The following FRAS1 variants were observed in gnomAD, a reference collection of about 807,000 sequenced individuals.
The protein encoded by FRAS1 is extracellular matrix organizing protein FRAS1.
Under a neutral mutation model 435.2 loss-of-function variants are expected in FRAS1, and 290 were observed. The observed-to-expected ratio is 0.67, with a 90% CI of 0.61 to 0.73. The LOEUF (loss-of-function observed/expected upper bound fraction) is 0.73. Ranked by LOEUF, FRAS1 falls within the 30% of genes least tolerant of loss-of-function variation. The pLI is 0.00. For synonymous variants in FRAS1, 1,800 were observed against 1,851.0 expected (o/e 0.97, Z 0.71); for missense variants, 4,860 against 5,001.5 (o/e 0.97, Z 0.85).
At chr4:78,086,451 C>T (rs1741173755) in intron 2 of FRAS1, among the ~76,000 whole-genome samples, 1 of 152,026 alleles carries the variant, frequency 6.6e-6, no homozygotes, top group Non-Finnish European at 1.5e-5. Flanking sequence ...GAGATAGAGA[C>T]ACAAAAAACC....
chr4:78,477,767 G>A (rs766956081), intron 54 of FRAS1, 48 bp from the exon 55 acceptor site: 65 of 1,580,696 alleles, frequency 4.1e-5, no homozygotes, highest in Admixed American at 6.8e-5. Context: ...AAGCAGAGCA[G>A]GGGAAGCTGA....
intron 9 of FRAS1, among the ~76,000 whole-genome samples, chr4:78,273,655 G>A (rs972545771): frequency 3.9e-5 from 6 of 152,172 alleles, no homozygotes; most frequent in Non-Finnish European, 5.9e-5. Context: ...TGCATCCCAG[G>A]GATGAAGCCC....
At chr4:78,518,360 G>T (rs1416076586) in intron 66 of FRAS1, among the ~76,000 whole-genome samples, 1 of 147,848 alleles carries the variant, frequency 6.8e-6, no homozygotes, top group East Asian at 1.9e-4. Context: ...AAGTCCCATA[G>T]TATATTATAG....
intron 30 of FRAS1, among the ~76,000 whole-genome samples, chr4:78,405,422 GTACAAATAAGTTATAA>G (rs1216730154): frequency 6.6e-6 from 1 of 152,030 alleles, no homozygotes; most frequent in Non-Finnish European, 1.5e-5. Context: ...TTCTACTTGA[GTACAAATAAGTTATAA>G]TACAAGAAAG....
At chr4:78,276,911 A>G (rs1390358817) in intron 9 of FRAS1, among the ~76,000 whole-genome samples, 1 of 152,196 alleles carries the variant, frequency 6.6e-6, no homozygotes, top group Non-Finnish European at 1.5e-5. Flanking sequence ...CTGCCCCCAG[A>G]GGTGGAGTCT....
At chr4:78,221,384 T>G (rs1361573213) in intron 2 of FRAS1, among the ~76,000 whole-genome samples, 1 of 152,216 alleles carries the variant, frequency 6.6e-6, no homozygotes, top group African/African-American at 2.4e-5. Flanking sequence ...GATTAATTGA[T>G]AGTTGAAGTA....
chr4:78,194,134 G>A (rs1722687319), intron 2 of FRAS1, among the ~76,000 whole-genome samples: 1 of 152,208 alleles, frequency 6.6e-6, no homozygotes, highest in African/African-American at 2.4e-5. Context: ...TTTCTGCCGA[G>A]AGATCAGCTG....
At chr4:78,414,013 A>G (rs2110361532) in intron 32 of FRAS1, among the ~76,000 whole-genome samples, 1 of 152,334 alleles carries the variant, frequency 6.6e-6, no homozygotes. Flanking sequence ...TTACACTCCA[A>G]AGTACTGTAT....
At chr4:78,382,430 A>G (rs1732056146) in intron 27 of FRAS1, among the ~76,000 whole-genome samples, 2 of 152,152 alleles carry the variant, frequency 1.3e-5, no homozygotes, top group South Asian at 4.2e-4. Context: ...AATAACAGTG[A>G]TATACTGAAC....
At chr4:78,285,895 T>C (rs1727566090) in intron 13 of FRAS1, among the ~76,000 whole-genome samples, 1 of 152,246 alleles carries the variant, frequency 6.6e-6, no homozygotes, top group Non-Finnish European at 1.5e-5. Flanking sequence ...TTTGTAATTA[T>C]TCACTCCTCC....
intron 9 of FRAS1, among the ~76,000 whole-genome samples, chr4:78,275,935 G>A (rs984042550): frequency 3.3e-5 from 5 of 152,204 alleles, no homozygotes; most frequent in East Asian, 1.9e-4. Context: ...CATTCTCCCC[G>A]TCACTTTTAG....
At chr4:78,104,193 A>C (rs931530152) in intron 2 of FRAS1, among the ~76,000 whole-genome samples, 2 of 152,270 alleles carry the variant, frequency 1.3e-5, no homozygotes, top group Non-Finnish European at 2.9e-5. Flanking sequence ...TTTAGAAAAT[A>C]AATCTGAACA....
At chr4:78,236,822 A>T (rs1578200190) in intron 2 of FRAS1, among the ~76,000 whole-genome samples, 2 of 152,206 alleles carry the variant, frequency 1.3e-5, no homozygotes, top group Non-Finnish European at 2.9e-5. Flanking sequence ...TTTGTGGAGT[A>T]ATAACATAGT....
intron 2 of FRAS1, among the ~76,000 whole-genome samples, chr4:78,129,135 G>C (rs998855009): frequency 2.6e-5 from 4 of 152,152 alleles, no homozygotes; most frequent in South Asian, 2.1e-4. Flanking sequence ...GGTACCAGTA[G>C]CATGCTGTTT....
intron 9 of FRAS1, among the ~76,000 whole-genome samples, chr4:78,270,539 G>GCCCCC (rs1406034386): frequency 5.7e-5 from 4 of 70,606 alleles, no homozygotes; most frequent in African/African-American, 2.2e-4. Context: ...ACCGCCCCCC[G>GCCCCC]CCACCCCGCC....
chr4:78,478,206 A>G lies in FRAS1; in HGVS notation c.8098+145A>G, dbSNP rs539429393. ...ATTAACTCATTTGGTTCCCACAACA[A>G]CCCTGATGATGATTCTATCCATAGT... On this transcript the variant is annotated intron_variant, in intron 55 of 73. Coordinates refer to ENST00000512123, the MANE Select transcript of FRAS1 (RefSeq NM_025074.7). The G allele has an allele frequency of 1.8e-3, 1,589 of 898,756 alleles. 4 individuals are homozygous for G. The highest frequency in any genetic ancestry group is 2.2e-3 in the Non-Finnish European group (1,312 of 605,424). 55.7% of individuals were successfully genotyped at this position (898,756 alleles called of 1,614,324 possible).
chr4:78,495,168 T>C (rs892895890), intron 59 of FRAS1, among the ~76,000 whole-genome samples: 4 of 152,174 alleles, frequency 2.6e-5, no homozygotes, highest in Non-Finnish European at 5.9e-5. Context: ...TTGTGTTATC[T>C]TTTACTCACT....
intron 18 of FRAS1, among the ~76,000 whole-genome samples, chr4:78,332,337 T>C (rs889419547): frequency 1.3e-5 from 2 of 152,150 alleles, no homozygotes; most frequent in Non-Finnish European, 2.9e-5. Flanking sequence ...ATCAAAAATA[T>C]AGAAAATAAA....
intron 2 of FRAS1, among the ~76,000 whole-genome samples, chr4:78,128,001 TGTTTG>T (rs1719467057): frequency 6.7e-6 from 1 of 150,312 alleles, no homozygotes; most frequent in Non-Finnish European, 1.5e-5. Context: ...GAACATGAGG[TGTTTG>T]GTTTTTTGTC....
Sources: allele counts gnomAD v4.1 joint callset (sites outside exome capture counted in the v4.1 genomes callset), GRCh38; gene constraint gnomAD v4.1.1; transcripts MANE v1.5; gene names NCBI Gene and HGNC (gene_info 2026-07-23, HGNC 2026-07-21).